Variants in SEMA3E observed in about 807,000 individuals in gnomAD.
SEMA3E encodes semaphorin-3E.
In SEMA3E, 49 loss-of-function variants were observed where a neutral mutation model predicts 93.6. The observed-to-expected ratio is 0.52, with a 90% CI of 0.42 to 0.66. The LOEUF (loss-of-function observed/expected upper bound fraction) is 0.66. Among genes scored for constraint, SEMA3E ranks in the 30% least tolerant of loss-of-function variants. The pLI is 0.00. For synonymous variants in SEMA3E, 363 were observed against 330.7 expected, an observed-to-expected ratio of 1.10 and a Z score of -1.06; for missense variants, 906 against 964.8, an observed-to-expected ratio of 0.94 and a Z score of 0.81.
intron 1 of SEMA3E, among the ~76,000 whole-genome samples, chr7:83,552,792 G>A (rs1476990717): frequency 6.6e-6 from 1 of 152,014 alleles, no homozygotes; most frequent in African/African-American, 2.4e-5. Context: ...TGGTCAGACT[G>A]GTTCTCTGCT....
At chr7:83,635,485 A>G (rs1032840794) in intron 1 of SEMA3E, among the ~76,000 whole-genome samples, 4 of 151,974 alleles carry the variant, frequency 2.6e-5, no homozygotes, top group Non-Finnish European at 4.4e-5. Context: ...TTTCTTCTTA[A>G]TATGACATTT....
intron 12 of SEMA3E, among the ~76,000 whole-genome samples, chr7:83,395,144 G>A (rs1788097993): frequency 6.6e-6 from 1 of 152,132 alleles, no homozygotes; most frequent in Admixed American, 6.6e-5. Flanking sequence ...AGGCAACAAT[G>A]TTTCTTAAGA....
At position 83,453,001 on chromosome 7, in the gene SEMA3E, T is replaced by C. The variant is rs534527232; in HGVS notation, c.456+13481A>G. ...ATTTCTTTTAAAGTATTGGTTTCCATTGAATTCTTCTAATGCTAATTTATA... is the reference window on the plus strand; with the variant it reads ...ATTTCTTTTAAAGTATTGGTTTCCACTGAATTCTTCTAATGCTAATTTATA... On this transcript the variant is annotated intron_variant, in intron 4 of 16. Coordinates refer to ENST00000643230, the MANE Select transcript of SEMA3E (RefSeq NM_012431.3). Among the ~76,000 whole-genome samples, 88 of 152,288 alleles carry C rather than the reference T, an allele frequency of 5.8e-4. 1 individual carries two copies. The highest frequency in any genetic ancestry group is 3.9e-3 in the Admixed American group (59 of 15,292).
rs935060648 is a variant in SEMA3E at position 83,539,444 on chromosome 7, A to G, written c.116-49170T>C. On this transcript the variant is annotated intron_variant, in intron 1 of 16. Coordinates refer to ENST00000643230, the MANE Select transcript of SEMA3E (RefSeq NM_012431.3). ...AAATAGACTTTCAGCAAATCTTCCTATGTAGAGCGCCAATTTGTCCCAATT... is the reference window on the plus strand; with the variant it reads ...AAATAGACTTTCAGCAAATCTTCCTGTGTAGAGCGCCAATTTGTCCCAATT... Among the ~76,000 whole-genome samples the G allele has an allele frequency of 3.9e-5, 6 of 152,264 alleles. No individual in the cohort carries two copies. In the South Asian group the frequency reaches 1.2e-3, roughly 32 times the overall value.
chr7:83,421,900 G>A (rs192102548), intron 4 of SEMA3E, among the ~76,000 whole-genome samples: 292 of 152,222 alleles, frequency 1.9e-3, no homozygotes, highest in Non-Finnish European at 3.5e-3. Context: ...GCCTAGTGCC[G>A]GGCACGGTGG....
chr7:83,389,957 T>C (rs958368991), intron 14 of SEMA3E, among the ~76,000 whole-genome samples: 2 of 22,186 alleles, frequency 9.0e-5, no homozygotes, highest in Non-Finnish European at 1.5e-4. Context: ...TATATGTGTA[T>C]AGTGTATACG....
At chr7:83,459,865 C>A (rs1251348659) in intron 4 of SEMA3E, among the ~76,000 whole-genome samples, 1 of 152,146 alleles carries the variant, frequency 6.6e-6, no homozygotes, top group Non-Finnish European at 1.5e-5. Context: ...TGTGAAAGTC[C>A]TTCTCCTGGC....
chr7:83,405,944 C>A lies in SEMA3E; in HGVS notation c.928+1G>T, dbSNP rs1317222038. The A allele has an allele frequency of 2.5e-6, 4 of 1,602,282 alleles. No individual in the cohort carries two copies. Reference sequence around the variant, plus strand: ...AATTTAATTCACCTAAAAACATTTACCTAATTCATCAAAATATGTGTCAAT... The same window carrying A: ...AATTTAATTCACCTAAAAACATTTAACTAATTCATCAAAATATGTGTCAAT... On this transcript the variant is annotated splice_donor_variant, in intron 8 of 16. Coordinates refer to ENST00000643230, the MANE Select transcript of SEMA3E (RefSeq NM_012431.3). LOFTEE classifies it high-confidence loss of function.
At chr7:83,646,271 T>C (rs1794078572) in intron 1 of SEMA3E, among the ~76,000 whole-genome samples, 1 of 152,134 alleles carries the variant, frequency 6.6e-6, no homozygotes, top group African/African-American at 2.4e-5. Context: ...TTATTCCTAG[T>C]TTTTGAAGAC....
chr7:83,412,289 T>C (rs992126801), intron 5 of SEMA3E, among the ~76,000 whole-genome samples: 11 of 152,156 alleles, frequency 7.2e-5, no homozygotes, highest in African/African-American at 2.7e-4. Context: ...ACTATATTTT[T>C]ATTGACTCCT....
chr7:83,495,525 A>G (rs2115577093), intron 1 of SEMA3E, among the ~76,000 whole-genome samples: 1 of 152,032 alleles, frequency 6.6e-6, no homozygotes, highest in South Asian at 2.1e-4. Context: ...GGAATTCTGA[A>G]GTTTAAGAAA....
At chr7:83,438,729 C>T (rs1043771824) in intron 4 of SEMA3E, among the ~76,000 whole-genome samples, 1 of 151,530 alleles carries the variant, frequency 6.6e-6, no homozygotes, top group African/African-American at 2.4e-5. Flanking sequence ...TTTAATATGG[C>T]TAAATAATTA....
chr7:83,443,566 C>T (rs1789162424), intron 4 of SEMA3E, among the ~76,000 whole-genome samples: 1 of 151,966 alleles, frequency 6.6e-6, no homozygotes, highest in Non-Finnish European at 1.5e-5. Flanking sequence ...TCACTAAAGA[C>T]ATTATATAAG....
intron 1 of SEMA3E, 145 bp from the exon 2 acceptor site, chr7:83,490,419 A>G (rs1197027610): frequency 4.0e-6 from 3 of 758,456 alleles, no homozygotes; most frequent in Non-Finnish European, 6.5e-6. Flanking sequence ...AAAGAATTTT[A>G]ATGTGCACAA....
In SEMA3E at chr7:83,585,679, G is replaced by C. The variant is rs1792612795; in HGVS notation, c.115+62749C>G. Among the ~76,000 whole-genome samples the C allele has an allele frequency of 2.0e-5, 3 of 152,070 alleles. No individual in the cohort carries two copies. In the South Asian group the frequency reaches 6.2e-4, roughly 32 times the overall value. The stretch of plus-strand genomic sequence containing the variant: ...TTTCTATTTTGTATCTCAGCTATTT[G>C]TGTTAATATATTTTCTATTTTATTA... On this transcript the variant is annotated intron_variant, in intron 1 of 16. Coordinates refer to ENST00000643230, the MANE Select transcript of SEMA3E (RefSeq NM_012431.3).
chr7:83,596,402 T>C (rs1792872870), intron 1 of SEMA3E, among the ~76,000 whole-genome samples: 1 of 152,022 alleles, frequency 6.6e-6, no homozygotes, highest in South Asian at 2.1e-4. Flanking sequence ...ATATGCTCAT[T>C]ACTAACGTCA....
intron 4 of SEMA3E, among the ~76,000 whole-genome samples, chr7:83,458,787 TA>T (rs1367206338): frequency 6.6e-6 from 1 of 150,844 alleles, no homozygotes; most frequent in African/African-American, 2.4e-5. Flanking sequence ...GAAGGTTGAA[TA>T]AAAATGAACT....
intron 1 of SEMA3E, among the ~76,000 whole-genome samples, chr7:83,561,080 G>T (rs1373545721): frequency 6.6e-6 from 1 of 151,944 alleles, no homozygotes; most frequent in African/African-American, 2.4e-5. Flanking sequence ...ATAGTGCTAA[G>T]AAAGTACAAA....
intron 1 of SEMA3E, among the ~76,000 whole-genome samples, chr7:83,603,650 G>A (rs192091076): frequency 2.0e-3 from 310 of 152,258 alleles, no homozygotes; most frequent in African/African-American, 7.2e-3. Context: ...ATTAACAGCA[G>A]TGAGATAGAT....
Sources: allele counts gnomAD v4.1 joint callset (sites outside exome capture counted in the v4.1 genomes callset), GRCh38; gene constraint gnomAD v4.1.1; transcripts MANE v1.5; gene names NCBI Gene and HGNC (gene_info 2026-07-23, HGNC 2026-07-21).